Variants in XRN1 observed in about 807,000 individuals in gnomAD.
XRN1 encodes the protein strand-exchange protein 1 homolog.
A neutral mutation model predicts 222.3 loss-of-function variants in XRN1; 67 were observed. That is an observed-to-expected ratio of 0.30 (90% CI 0.25 to 0.37). XRN1 has a LOEUF of 0.37. Ranked by LOEUF, XRN1 falls within the 10% of genes least tolerant of loss-of-function variation. XRN1 has a pLI of 1.00. For synonymous variants in XRN1, 643 were observed against 652.4 expected (o/e 0.99, Z 0.22); for missense variants, 1,707 against 2,000.2 (o/e 0.85, Z 2.80).
At chr3:142,413,226 G>GA (rs1322284229) in intron 14 of XRN1, among the ~76,000 whole-genome samples, 2 of 152,114 alleles carry the variant, frequency 1.3e-5, no homozygotes, top group Non-Finnish European at 2.9e-5. Flanking sequence ...AAAGCATAAG[G>GA]AAATAAGGCA....
chr3:142,329,637 T>G (rs781335156), intron 36 of XRN1, 22 bp from the exon 37 acceptor site: 1 of 1,521,344 alleles, frequency 6.6e-7, no homozygotes, highest in Admixed American at 2.6e-5. Context: ...GAGAAAAGAG[T>G]CTATCTTTAT....
intron 33 of XRN1, among the ~76,000 whole-genome samples, chr3:142,338,967 C>T (rs986436972): frequency 6.6e-6 from 1 of 152,220 alleles, no homozygotes; most frequent in African/African-American, 2.4e-5. Context: ...AATTCAGACC[C>T]TGTCTCCTGG....
intron 1 of XRN1, among the ~76,000 whole-genome samples, chr3:142,446,854 C>T (rs1299571097): frequency 1.3e-5 from 2 of 152,172 alleles, no homozygotes; most frequent in Non-Finnish European, 2.9e-5. Flanking sequence ...TGGAATCCAG[C>T]AACAAAAACT....
intron 20 of XRN1, among the ~76,000 whole-genome samples, chr3:142,386,362 G>A (rs182589509): frequency 2.5e-3 from 378 of 152,016 alleles, no homozygotes; most frequent in African/African-American, 8.7e-3. Flanking sequence ...AGAAATTTAG[G>A]GGTAGATTAA....
chr3:142,313,157 T>C, intron 39 of XRN1: 1 of 1,613,116 alleles, frequency 6.2e-7, no homozygotes, highest in East Asian at 2.2e-5. Context: ...GCATAGTTGC[T>C]TCCATAGTGA....
chr3:142,318,923 A>G lies in XRN1; in HGVS notation c.4405-20T>C. 1 of 1,587,126 alleles carries G rather than the reference A, an allele frequency of 6.3e-7. No homozygotes were observed. Among genetic ancestry groups the G allele is most frequent in the Non-Finnish European group, 8.6e-7 (1 of 1,157,924 alleles). Reference sequence around the variant, plus strand: ...CATTGTCTAAAAAAAGAGAATATATATGTCTATGAAATTCTCTGTCTAGGA... The same window carrying G: ...CATTGTCTAAAAAAAGAGAATATATGTGTCTATGAAATTCTCTGTCTAGGA... On this transcript the variant is annotated intron_variant, in intron 37 of 40. Transcript: ENST00000392981.
chr3:142,316,687 C>A (rs918124630), intron 39 of XRN1, among the ~76,000 whole-genome samples: 1 of 152,128 alleles, frequency 6.6e-6, no homozygotes, highest in African/African-American at 2.4e-5. Context: ...TATAACTATA[C>A]TACATCTACA....
chr3:142,358,789 T>C (rs2066537181), intron 30 of XRN1, among the ~76,000 whole-genome samples: 1 of 152,158 alleles, frequency 6.6e-6, no homozygotes, highest in Admixed American at 6.5e-5. Context: ...ACAATAATAA[T>C]AGCATCCTGA....
chr3:142,382,092 C>T (rs1331626906), intron 22 of XRN1, among the ~76,000 whole-genome samples: 3 of 152,154 alleles, frequency 2.0e-5, no homozygotes, highest in South Asian at 2.1e-4. Context: ...TAATGCGATG[C>T]TAACTTTGAT....
intron 31 of XRN1, among the ~76,000 whole-genome samples, 199 bp downstream of exon 31, chr3:142,356,713 T>C (rs1398015295): frequency 1.3e-5 from 2 of 152,250 alleles, no homozygotes; most frequent in East Asian, 3.8e-4. Flanking sequence ...TTAATACAAC[T>C]GTTATTTTAT....
chr3:142,332,413 T>C lies in XRN1; in HGVS notation c.4184A>G (p.Tyr1395Cys), dbSNP rs145506050. Residue 1395 changes from tyrosine to cysteine, a missense_variant, in exon 36 of 41, where the codon TAT becomes TGT. Physicochemically the swap from Tyr to Cys is radical, Grantham distance 194. Around this residue, in one of 2 missense-constraint regions of XRN1, gnomAD observed 473 missense variants for 482.0 expected, o/e 0.98. Transcript: ENST00000392981. ...TTGTTTAGGCTGAGAGGGTAATCCA[T>C]ATTCATCTCTTCTGTTAGAGGAAAC... The part of the protein sequence containing the change: ...IPVSSNRRDE[Y>C]GLPSQPKQNK... The C allele has an allele frequency of 1.2e-6, 2 of 1,612,200 alleles. No homozygotes were observed. The highest frequency in any genetic ancestry group is 1.7e-6 in the Non-Finnish European group (2 of 1,178,666).
intron 13 of XRN1, among the ~76,000 whole-genome samples, chr3:142,415,586 A>G (rs959753723): frequency 6.6e-6 from 1 of 152,236 alleles, no homozygotes; most frequent in African/African-American, 2.4e-5. Flanking sequence ...TACAACAGGA[A>G]TAACTTACAT....
chr3:142,310,787 CT>C lies in XRN1; in HGVS notation c.*723del, dbSNP rs1163122940. 1.3e-5 allele frequency: 2 copies of C among 152,502 alleles called. No individual in the cohort carries two copies. The highest frequency in any genetic ancestry group is 2.4e-5 in the African/African-American group (1 of 41,408). The allele number at this position is 152,502 out of a possible 1,614,324, so 9.4% of individuals were successfully genotyped here. A position where few individuals can be genotyped will look rare whatever the true frequency, so the allele number is the denominator to read the frequency against. On this transcript the variant is annotated 3_prime_UTR_variant, in exon 41 of 41. Transcript: ENST00000392981. Reference sequence around the variant, plus strand: ...ACAATTTTACTAGAAATTACTAATGCTGGTTCTTGAGTAACCTAAAAAATTG... The same window carrying C: ...ACAATTTTACTAGAAATTACTAATGCGGTTCTTGAGTAACCTAAAAAATTG...
rs189975690 is a variant in XRN1, at chr3:142,354,604, C to T, written c.3768+797G>A. On this transcript the variant is annotated intron_variant, in intron 32 of 40. Coordinates refer to ENST00000392981, the MANE Select transcript of XRN1 (RefSeq NM_001282857.2). Reference sequence around the variant, plus strand: ...ACTGAATCTTACTCTGTCGCCCAGGCTGGAGTGAAATGGGGCGATCTTGGC... The same window carrying T: ...ACTGAATCTTACTCTGTCGCCCAGGTTGGAGTGAAATGGGGCGATCTTGGC... Among the ~76,000 whole-genome samples, 10 of 152,290 alleles carry T rather than the reference C, an allele frequency of 6.6e-5. No homozygotes were observed. In the East Asian group the frequency reaches 1.7e-3, roughly 26 times the overall value.
At chr3:142,385,745 TAATA>T (rs754331945) in intron 20 of XRN1, among the ~76,000 whole-genome samples, 6 of 152,248 alleles carry the variant, frequency 3.9e-5, no homozygotes, top group East Asian at 1.9e-4. Flanking sequence ...CTAGAACTCC[TAATA>T]GATAGATATT....
At chr3:142,364,265 T>C (rs1366453866) in intron 29 of XRN1, among the ~76,000 whole-genome samples, 2 of 152,208 alleles carry the variant, frequency 1.3e-5, no homozygotes, top group Admixed American at 1.3e-4. Context: ...GTTCGGTGCC[T>C]GGGATATATA....
intron 22 of XRN1, 21 bp from the exon 23 acceptor site, chr3:142,380,201 C>T: frequency 6.3e-7 from 1 of 1,579,432 alleles, no homozygotes; most frequent in South Asian, 1.1e-5. Flanking sequence ...AAAAAAATCA[C>T]AGTATAGTCT....
At chr3:142,327,698 A>C (rs2065559741) in intron 37 of XRN1, among the ~76,000 whole-genome samples, 1 of 152,112 alleles carries the variant, frequency 6.6e-6, no homozygotes, top group South Asian at 2.1e-4. Context: ...TATAAACGTA[A>C]GGGGTGCGAG....
At chr3:142,336,735 C>G (rs778826805) in intron 33 of XRN1, among the ~76,000 whole-genome samples, 4 of 152,102 alleles carry the variant, frequency 2.6e-5, no homozygotes, top group Non-Finnish European at 4.4e-5. Context: ...AGCATTAACA[C>G]TAAACATTTG....
Sources: allele counts gnomAD v4.1 joint callset (sites outside exome capture counted in the v4.1 genomes callset), GRCh38; gene constraint gnomAD v4.1.1; regional missense constraint gnomAD v4.1.1; transcripts MANE v1.5; gene names NCBI Gene and HGNC (gene_info 2026-07-23, HGNC 2026-07-21).